The following MKLN1 variants were observed in gnomAD, a reference collection of about 807,000 sequenced individuals.
MKLN1 encodes muskelin.
In MKLN1, 18 loss-of-function variants were observed where a neutral mutation model predicts 99.0. The observed-to-expected ratio is 0.18, with a 90% CI of 0.13 to 0.27. The LOEUF (loss-of-function observed/expected upper bound fraction) is 0.27. Among genes scored for constraint, MKLN1 ranks in the 10% least tolerant of loss-of-function variants. MKLN1 has a pLI of 1.00. For missense variants in MKLN1, 621 were observed against 875.9 expected, an observed-to-expected ratio of 0.71 and a Z score of 3.67; for synonymous variants, 288 against 293.2, an observed-to-expected ratio of 0.98 and a Z score of 0.18.
chr7:131,189,040 T>C (rs1022262011), intron 2 of MKLN1, among the ~76,000 whole-genome samples: 9 of 152,180 alleles, frequency 5.9e-5, no homozygotes, highest in Non-Finnish European at 1.0e-4. Flanking sequence ...TTGATGAATT[T>C]CACCAGGGAA....
At chr7:131,419,761 G>A (rs1478674369) in intron 8 of MKLN1, among the ~76,000 whole-genome samples, 1 of 152,120 alleles carries the variant, frequency 6.6e-6, no homozygotes, top group African/African-American at 2.4e-5. Context: ...AAGAGAGTGG[G>A]AAGAGGTGAA....
chr7:131,228,073 G>A (rs896402490), intron 3 of MKLN1, among the ~76,000 whole-genome samples: 2 of 151,296 alleles, frequency 1.3e-5, no homozygotes, highest in Admixed American at 6.6e-5. Flanking sequence ...ACAATTTTTT[G>A]TTGTTGTTGA....
intron 2 of MKLN1, among the ~76,000 whole-genome samples, chr7:131,171,560 C>T (rs538780203): frequency 3.9e-5 from 6 of 152,086 alleles, no homozygotes; most frequent in African/African-American, 1.2e-4. Context: ...TGGGTTCAAG[C>T]GATTTCCTGC....
intron 3 of MKLN1, among the ~76,000 whole-genome samples, chr7:131,295,562 A>G (rs929774349): frequency 6.6e-6 from 1 of 152,136 alleles, no homozygotes. Flanking sequence ...AAAAAGGCAT[A>G]AAGAATAGGA....
At chr7:131,393,891 G>A (rs1794279791) in intron 4 of MKLN1, among the ~76,000 whole-genome samples, 2 of 152,038 alleles carry the variant, frequency 1.3e-5, no homozygotes, top group Non-Finnish European at 2.9e-5. Context: ...CTCCCAAAGT[G>A]TTGGGATTAC....
At chr7:131,327,755 C>T (rs1477963836), upstream of MKLN1, 7 of 1,390,872 alleles carry the variant, frequency 5.0e-6, no homozygotes, top group Non-Finnish European at 6.6e-6. Flanking sequence ...AGGACATTGG[C>T]CCGGCGCTGG....
At chr7:131,382,669 C>G (rs1189463818) in intron 2 of MKLN1, among the ~76,000 whole-genome samples, 2 of 152,122 alleles carry the variant, frequency 1.3e-5, no homozygotes, top group Non-Finnish European at 2.9e-5. Context: ...TCCTTCTGTT[C>G]CAATATTAGA....
At position 131,490,352 on chromosome 7, in the gene MKLN1, AATAC is replaced by A. The variant is rs1562892517; in HGVS notation, c.*2627_*2630del. On this transcript the variant is annotated 3_prime_UTR_variant, in exon 18 of 18. Coordinates refer to ENST00000352689, the MANE Select transcript of MKLN1 (RefSeq NM_013255.5). ...CCTCATTTATCCTTTTTCCTAGTAT[AATAC>A]ATTGTTTTCAACCAGAAATTAAAGT... The A allele has an allele frequency of 6.6e-6, 1 of 152,572 alleles. No individual in the cohort carries two copies. The allele number at this position is 152,572 out of a possible 1,614,324, so 9.5% of individuals were successfully genotyped here.
At chr7:131,207,239 C>T (rs944001026) in intron 3 of MKLN1, among the ~76,000 whole-genome samples, 12 of 152,272 alleles carry the variant, frequency 7.9e-5, no homozygotes, top group African/African-American at 2.6e-4. Context: ...GTCTCACTCA[C>T]TCTGTCACCC....
At chr7:131,263,368 T>TAATAATAATAAA (rs373239401) in intron 3 of MKLN1, among the ~76,000 whole-genome samples, 4,856 of 140,134 alleles carry the variant, frequency 0.035, 130 homozygotes, top group African/African-American at 0.067. Flanking sequence ...ATAATAATAA[T>TAATAATAATAAA]AATAAAATTA....
chr7:131,400,095 C>G (rs748267818), intron 6 of MKLN1, among the ~76,000 whole-genome samples: 44 of 151,690 alleles, frequency 2.9e-4, no homozygotes, highest in Non-Finnish European at 5.0e-4. Context: ...TTCATAGTGA[C>G]AAACAACAGA....
chr7:131,267,606 A>C (rs1797828266), intron 3 of MKLN1, among the ~76,000 whole-genome samples: 1 of 152,200 alleles, frequency 6.6e-6, no homozygotes, highest in South Asian at 2.1e-4. Flanking sequence ...TGACCAGTAG[A>C]TTCCAGCTTT....
intron 8 of MKLN1, among the ~76,000 whole-genome samples, chr7:131,426,353 A>G (rs566172842): frequency 1.3e-5 from 2 of 152,250 alleles, no homozygotes; most frequent in East Asian, 3.9e-4. Context: ...TTAGTTATAT[A>G]CCCCCTCTCC....
rs60459266 is a variant in MKLN1 at position 131,444,763 on chromosome 7, AAGTAGTAGTAGTAGTAGTAGTAGT to A, written c.1396-975_1396-952del. Among the ~76,000 whole-genome samples, 293 of 117,962 alleles carry A rather than the reference AAGTAGTAGTAGTAGTAGTAGTAGT, an allele frequency of 2.5e-3. 1 individual carries two copies. The highest frequency in any genetic ancestry group is 4.5e-3 in the Middle Eastern group (1 of 224). 77.4% of individuals were successfully genotyped at this position (117,962 alleles called of 152,430 possible). On this transcript the variant is annotated intron_variant, in intron 11 of 17. Transcript: ENST00000352689. ...GTAGTAGTAGTAGTAGTAGTAGAAG[AAGTAGTAGTAGTAGTAGTAGTAGT>A]AGTAGTAGTAGTAGTAGTAGTAGTA... is the stretch of plus-strand genomic sequence containing the variant.
Position 131,488,265 on chromosome 7 carries a change from A to G in MKLN1, c.*537A>G, listed in dbSNP as rs1797339649. Reference sequence around the variant, plus strand: ...AGTGTATAGTTCTCTAGGACAGTTGATGTATGTTAAGGTGATATCTGTGTC... The same window carrying G: ...AGTGTATAGTTCTCTAGGACAGTTGGTGTATGTTAAGGTGATATCTGTGTC... On this transcript the variant is annotated 3_prime_UTR_variant, in exon 18 of 18. Transcript: ENST00000352689. The G allele has an allele frequency of 6.6e-6, 1 of 151,912 alleles. No homozygotes were observed. Among genetic ancestry groups the G allele is most frequent in the Non-Finnish European group, 1.5e-5 (1 of 67,992 alleles). 9.4% of individuals were successfully genotyped at this position (151,912 alleles called of 1,614,324 possible).
chr7:131,413,751 C>G lies in MKLN1; in HGVS notation c.782-894C>G, dbSNP rs911726353. 2.6e-5 allele frequency among the ~76,000 whole-genome samples: 4 copies of G among 152,244 alleles called. No individual in the cohort carries two copies. In the East Asian group the frequency reaches 7.7e-4, roughly 29 times the overall value. ...ACAGGGTTTCACCATATTGGCTAGGCTGGTCGTGGACTCCTGACCTCAGGT... is the reference window on the plus strand; with the variant it reads ...ACAGGGTTTCACCATATTGGCTAGGGTGGTCGTGGACTCCTGACCTCAGGT... On this transcript the variant is annotated intron_variant, in intron 7 of 17. Transcript: ENST00000352689.
At chr7:131,325,910 GT>G (rs1173214585), upstream of MKLN1, among the ~76,000 whole-genome samples, 1,113 of 145,678 alleles carry the variant, frequency 7.6e-3, 8 homozygotes, top group South Asian at 0.018. Context: ...TGGGGGGGGG[GT>G]GGTGGTGAGG....
At chr7:131,419,667 A>G (rs1017274771) in intron 8 of MKLN1, among the ~76,000 whole-genome samples, 1 of 152,214 alleles carries the variant, frequency 6.6e-6, no homozygotes, top group Non-Finnish European at 1.5e-5. Flanking sequence ...AACTGATATT[A>G]TTACAAAGTA....
intron 3 of MKLN1, among the ~76,000 whole-genome samples, chr7:131,267,918 A>T (rs1261407384): frequency 6.6e-6 from 1 of 152,226 alleles, no homozygotes; most frequent in Non-Finnish European, 1.5e-5. Context: ...CAACCACAAC[A>T]TTTTATAATA....
Sources: gnomAD v4.1 joint callset for allele counts (sites outside exome capture counted in the v4.1 genomes callset) on GRCh38, gnomAD v4.1.1 for gene constraint, MANE v1.5 for transcripts, NCBI Gene and HGNC (gene_info 2026-07-23, HGNC 2026-07-21) for gene names.